Variants in ABCA9 observed in about 807,000 individuals in gnomAD.
ABCA9 encodes the protein ATP-binding cassette sub-family A member 9.
A neutral mutation model predicts 205.3 loss-of-function variants in ABCA9; 183 were observed. The ratio of observed to expected loss-of-function variants is 0.89; its 90% CI spans 0.79 to 1.01. ABCA9 has a LOEUF of 1.01. ABCA9 is among the 50% of genes least tolerant of loss of function. ABCA9 has a pLI of 0.00. For missense variants in ABCA9, 1,805 were observed against 1,912.4 expected (o/e 0.94, Z 1.05); for synonymous variants, 651 against 683.3 (o/e 0.95, Z 0.74).
rs150905357 is a variant in ABCA9, at chr17:68,986,214, G to A, written c.4158C>T (p.Tyr1386=). The change falls in exon 32 of 39, where the codon TAC becomes TAT. Residue 1386 remains tyrosine (Y), a synonymous_variant. Coordinates refer to ENST00000340001, the MANE Select transcript of ABCA9 (RefSeq NM_080283.4). ...CTTTCCTGAGACCTTTCACGGCAGC[G>A]TACACCTCCAGGTGCTGCCTCACTG... ...NLTVRQHLEV[Y]AAVKGLRKGD... is the part of the protein sequence containing the mutation. 34 of 1,613,366 alleles carry A rather than the reference G, an allele frequency of 2.1e-5. No homozygotes were observed. Among genetic ancestry groups the A allele is most frequent in the Admixed American group, 1.7e-4 (10 of 59,922 alleles).
rs2068856253 is a variant in ABCA9 at position 68,974,566 on chromosome 17, C to T, written c.*1349G>A. 1 of 152,180 alleles carries T rather than the reference C, an allele frequency of 6.6e-6. No homozygotes were observed. The highest frequency in any genetic ancestry group is 1.5e-5 in the Non-Finnish European group (1 of 68,034). 9.4% of individuals were successfully genotyped at this position (152,180 alleles called of 1,614,324 possible). On this transcript the variant is annotated 3_prime_UTR_variant, in exon 39 of 39. Coordinates refer to ENST00000340001, the MANE Select transcript of ABCA9 (RefSeq NM_080283.4). ...AAAATCAAAGCCAAGGTCTTTCACACAACTTCCTTCAAGTATTCAATTAGA... is the reference window on the plus strand; with the variant it reads ...AAAATCAAAGCCAAGGTCTTTCACATAACTTCCTTCAAGTATTCAATTAGA...
intron 25 of ABCA9, among the ~76,000 whole-genome samples, chr17:69,005,751 A>G (rs2070104588): frequency 1.3e-5 from 2 of 151,308 alleles, no homozygotes; most frequent in Non-Finnish European, 2.9e-5. Flanking sequence ...ATGCTGGCTT[A>G]TTTTTTTTTC....
chr17:69,021,677 C>T (rs568679213), intron 18 of ABCA9, 65 bp downstream of exon 18: 193 of 1,023,226 alleles, frequency 1.9e-4, no homozygotes, highest in Non-Finnish European at 2.4e-4. Flanking sequence ...ATCTTTCTTT[C>T]GTCCTTCCTT....
intron 37 of ABCA9, among the ~76,000 whole-genome samples, chr17:68,981,321 G>T (rs569546520): frequency 1.3e-5 from 2 of 151,448 alleles, no homozygotes; most frequent in African/African-American, 4.9e-5. Flanking sequence ...TTAAGTATGT[G>T]ATGTGAAAAA....
At chr17:68,993,183 C>A (rs904896890) in intron 26 of ABCA9, 99 bp from the exon 27 acceptor site, 2 of 968,036 alleles carry the variant, frequency 2.1e-6, no homozygotes, top group Non-Finnish European at 3.2e-6. Flanking sequence ...AATGGCCTTA[C>A]AACCATTCGA....
chr17:69,047,458 C>T (rs1402331577), intron 3 of ABCA9, among the ~76,000 whole-genome samples: 2 of 151,692 alleles, frequency 1.3e-5, no homozygotes, highest in African/African-American at 2.4e-5. Flanking sequence ...AAAGAGAAAA[C>T]AAGTCCTTCC....
At chr17:69,050,351 C>G (rs969573585) in intron 2 of ABCA9, among the ~76,000 whole-genome samples, 1 of 68,564 alleles carries the variant, frequency 1.5e-5, no homozygotes, top group Non-Finnish European at 2.8e-5. Flanking sequence ...CGAACACACA[C>G]ACACACACAC....
chr17:69,010,975 G>A (rs2070351455), intron 23 of ABCA9, among the ~76,000 whole-genome samples: 1 of 152,010 alleles, frequency 6.6e-6, no homozygotes, highest in African/African-American at 2.4e-5. Context: ...ATATCACATA[G>A]GCCACTGTAC....
At position 69,039,247 on chromosome 17, in the gene ABCA9, C is replaced by A. The variant is rs191343468; in HGVS notation, c.801-3446G>T. On this transcript the variant is annotated intron_variant, in intron 6 of 38. Transcript: ENST00000340001. The stretch of plus-strand genomic sequence containing the variant: ...TCATATGGAACCAAAAAAGAGCCCA[C>A]ATAGCCAAGACAATCCTAGGCAAAA... Among the ~76,000 whole-genome samples the A allele has an allele frequency of 3.3e-3, 505 of 152,238 alleles. 5 individuals carry two copies. Among genetic ancestry groups the A allele is most frequent in the African/African-American group, 0.012 (481 of 41,552 alleles).
chr17:69,025,352 C>G (rs577574807), intron 16 of ABCA9, among the ~76,000 whole-genome samples: 2 of 152,216 alleles, frequency 1.3e-5, no homozygotes, highest in East Asian at 3.9e-4. Flanking sequence ...GTGCTTTCAG[C>G]GTTCCAGAAA....
intron 23 of ABCA9, among the ~76,000 whole-genome samples, chr17:69,011,210 A>G (rs529430942): frequency 6.6e-5 from 10 of 152,172 alleles, no homozygotes; most frequent in Non-Finnish European, 1.3e-4. Flanking sequence ...TAGAGTGATT[A>G]AGTAACTTTT....
Position 69,008,352 on chromosome 17 carries a change from G to C in ABCA9, c.3148-117C>G, listed in dbSNP as rs183235121. On this transcript the variant is annotated intron_variant, in intron 23 of 38. Coordinates refer to ENST00000340001, the MANE Select transcript of ABCA9 (RefSeq NM_080283.4). ...CTTCGCCTTTTAGAAATATTATCCT[G>C]ATTTAGCAAATGATACCACCACTCG... The C allele has an allele frequency of 7.0e-5, 65 of 933,688 alleles. No homozygotes were observed. The African/African-American group carries it at 1.1e-3, about 15-fold the overall frequency. 57.8% of individuals were successfully genotyped at this position (933,688 alleles called of 1,614,324 possible). A position where few individuals can be genotyped will look rare whatever the true frequency, so the allele number is the denominator to read the frequency against.
intron 25 of ABCA9, among the ~76,000 whole-genome samples, chr17:69,006,237 A>G (rs1242252605): frequency 6.6e-6 from 1 of 152,208 alleles, no homozygotes; most frequent in Non-Finnish European, 1.5e-5. Context: ...GATCAACTAA[A>G]GTTGAACATA....
chr17:68,978,279 A>G (rs2068943588), intron 37 of ABCA9, among the ~76,000 whole-genome samples: 1 of 152,148 alleles, frequency 6.6e-6, no homozygotes, highest in Non-Finnish European at 1.5e-5. Flanking sequence ...ATCAGAGACT[A>G]GGATTGCAAC....
At chr17:69,022,632 G>A (rs1598385012) in intron 17 of ABCA9, among the ~76,000 whole-genome samples, 1 of 151,740 alleles carries the variant, frequency 6.6e-6, no homozygotes, top group Non-Finnish European at 1.5e-5. Context: ...CCTCCCAAAG[G>A]GCTGGGATTA....
chr17:69,017,412 G>A lies in ABCA9; in HGVS notation c.2901+244C>T, dbSNP rs371754637. On this transcript the variant is annotated intron_variant, in intron 21 of 38. Coordinates refer to ENST00000340001, the MANE Select transcript of ABCA9 (RefSeq NM_080283.4). Reference sequence around the variant, plus strand: ...GGAATGGAATCCAATTGATAATAACGATCTAAATAAATTATTATAGCAGTG... The same window carrying A: ...GGAATGGAATCCAATTGATAATAACAATCTAAATAAATTATTATAGCAGTG... 1.9e-4 allele frequency among the ~76,000 whole-genome samples: 29 copies of A among 152,122 alleles called. No homozygotes were observed. In the East Asian group the frequency reaches 3.9e-3, roughly 20 times the overall value.
the ABCA9 span, among the ~76,000 whole-genome samples, chr17:69,071,822 T>G: frequency 6.6e-6 from 1 of 152,162 alleles, no homozygotes; most frequent in Non-Finnish European, 1.5e-5. Context: ...TGTTCTAACC[T>G]AATGCAAGGA....
intron 26 of ABCA9, 145 bp downstream of exon 26, chr17:68,995,750 T>G: frequency 9.3e-7 from 1 of 1,075,026 alleles, no homozygotes; most frequent in South Asian, 1.6e-5. Context: ...CCCTTATCCA[T>G]GCGTGGCAAG....
chr17:69,050,196 T>C (rs2071855569), intron 2 of ABCA9, among the ~76,000 whole-genome samples: 1 of 152,086 alleles, frequency 6.6e-6, no homozygotes, highest in Non-Finnish European at 1.5e-5. Flanking sequence ...GCTAAAAGTT[T>C]AAAGGTAAAA....
Sources: allele counts gnomAD v4.1 joint callset (sites outside exome capture counted in the v4.1 genomes callset), GRCh38; gene constraint gnomAD v4.1.1; transcripts MANE v1.5; gene names NCBI Gene and HGNC (gene_info 2026-07-23, HGNC 2026-07-21).